NPAS3: variants seen among roughly 807,000 people sequenced by gnomAD.
The protein encoded by NPAS3 is neuronal PAS domain-containing protein 3.
In NPAS3, 14 loss-of-function variants were observed where a neutral mutation model predicts 73.1. The observed-to-expected ratio is 0.19, with a 90% CI of 0.13 to 0.30. NPAS3 has a LOEUF of 0.30. Among genes scored for constraint, NPAS3 ranks in the 10% least tolerant of loss-of-function variants. The pLI is 1.00. For synonymous variants in NPAS3, 620 were observed against 541.5 expected (o/e 1.14, Z -2.01); for missense variants, 1,096 against 1,250.0 (o/e 0.88, Z 1.86).
intron 5 of NPAS3, chr14:33,578,438 C>T: frequency 2.9e-6 from 1 of 345,870 alleles, no homozygotes; most frequent in Non-Finnish European, 5.6e-6. Context: ...AGGTGATCTG[C>T]CCGCCTCAGC....
chr14:33,295,748 C>T (rs548287131), intron 3 of NPAS3, among the ~76,000 whole-genome samples: 1 of 152,152 alleles, frequency 6.6e-6, no homozygotes, highest in Admixed American at 6.5e-5. Context: ...GGAGTTATAT[C>T]GGTTCAAACA....
intron 2 of NPAS3, among the ~76,000 whole-genome samples, chr14:33,155,107 C>T (rs2044600132): frequency 6.6e-6 from 1 of 152,176 alleles, no homozygotes; most frequent in Non-Finnish European, 1.5e-5. Flanking sequence ...GCCTGCAGGG[C>T]ATAGTTTGCT....
At position 33,717,462 on chromosome 14, in the gene NPAS3, C is replaced by T. The variant is rs1230276550; in HGVS notation, c.734-17752C>T. On this transcript the variant is annotated intron_variant, in intron 6 of 11. Coordinates refer to ENST00000356141, the Ensembl canonical transcript of NPAS3. ...TCAGGGAAGTTCTGGATAATGCAAG[C>T]AACAACCCCGTAAACACACAAACCT... Among the ~76,000 whole-genome samples, 9 of 152,064 alleles carry T rather than the reference C, an allele frequency of 5.9e-5. No homozygotes were observed. The East Asian group carries it at 1.5e-3, about 26-fold the overall frequency.
At chr14:33,315,701 A>G in intron 3 of NPAS3, among the ~76,000 whole-genome samples, 1 of 152,032 alleles carries the variant, frequency 6.6e-6, no homozygotes, top group African/African-American at 2.4e-5. Flanking sequence ...GAGAGAGTTC[A>G]TCTTCAGGGG....
At chr14:33,324,525 C>G (rs545464390) in intron 3 of NPAS3, among the ~76,000 whole-genome samples, 1 of 152,112 alleles carries the variant, frequency 6.6e-6, no homozygotes, top group African/African-American at 2.4e-5. Context: ...AACGCAGAAC[C>G]GTTTTGCAAG....
intron 4 of NPAS3, among the ~76,000 whole-genome samples, chr14:33,500,100 G>T (rs1293237147): frequency 2.0e-5 from 3 of 151,928 alleles, no homozygotes; most frequent in Non-Finnish European, 2.9e-5. Context: ...AAAAACGGAA[G>T]GGAGTTTGAG....
chr14:33,802,197 T>G (rs2138706744), downstream of NPAS3: 1 of 151,796 alleles, frequency 6.6e-6, no homozygotes, highest in East Asian at 1.9e-4. Flanking sequence ...ATGTTTTTGG[T>G]TTTTTTCATT....
intron 6 of NPAS3, among the ~76,000 whole-genome samples, chr14:33,733,171 C>T (rs548098893): frequency 2.6e-5 from 4 of 152,182 alleles, no homozygotes; most frequent in South Asian, 2.1e-4. Flanking sequence ...GATGGCTTCA[C>T]GTTAGTTCAA....
At chr14:33,329,312 C>T (rs1158016100) in intron 3 of NPAS3, among the ~76,000 whole-genome samples, 3 of 152,106 alleles carry the variant, frequency 2.0e-5, no homozygotes, top group Admixed American at 6.6e-5. Flanking sequence ...CAAGCAACTG[C>T]GCTACCAGCA....
chr14:33,453,882 G>T (rs930488016), intron 4 of NPAS3, among the ~76,000 whole-genome samples: 3 of 152,080 alleles, frequency 2.0e-5, no homozygotes, highest in African/African-American at 7.2e-5. Flanking sequence ...TAGAGATGGG[G>T]ATTCACCACG....
At chr14:33,291,295 G>T (rs746755663) in intron 3 of NPAS3, among the ~76,000 whole-genome samples, 1 of 152,180 alleles carries the variant, frequency 6.6e-6, no homozygotes, top group South Asian at 2.1e-4. Context: ...ATAGGTGGCC[G>T]TGCCTAACTT....
intron 1 of NPAS3, among the ~76,000 whole-genome samples, chr14:33,026,963 A>G (rs1254611750): frequency 6.6e-6 from 1 of 152,108 alleles, no homozygotes; most frequent in Non-Finnish European, 1.5e-5. Context: ...CTGTAGCTAA[A>G]TTCCAGGGAC....
intron 3 of NPAS3, among the ~76,000 whole-genome samples, chr14:33,317,460 A>G (rs1238559110): frequency 6.6e-6 from 1 of 152,046 alleles, no homozygotes; most frequent in Non-Finnish European, 1.5e-5. Flanking sequence ...CCCAAATGAT[A>G]TGGTTTGGCT....
intron 5 of NPAS3, among the ~76,000 whole-genome samples, chr14:33,587,095 T>C (rs755058730): frequency 2.3e-4 from 35 of 152,218 alleles, no homozygotes; most frequent in Non-Finnish European, 4.4e-4. Flanking sequence ...TCCCCATCTG[T>C]ATTTCCCCTA....
intron 4 of NPAS3, among the ~76,000 whole-genome samples, chr14:33,454,952 G>C (rs1186109235): frequency 1.3e-5 from 2 of 152,158 alleles, no homozygotes; most frequent in Non-Finnish European, 2.9e-5. Context: ...TGTTTACATG[G>C]AGCTGGAGCA....
chr14:33,732,519 T>G (rs80001154), intron 6 of NPAS3, among the ~76,000 whole-genome samples: 1,698 of 152,284 alleles, frequency 0.011, 22 homozygotes, highest in East Asian at 0.066. Context: ...TTTATTATAA[T>G]AAACGTGGCT....
At chr14:33,337,674 G>A (rs1566809643) in intron 3 of NPAS3, among the ~76,000 whole-genome samples, 2 of 151,944 alleles carry the variant, frequency 1.3e-5, no homozygotes, top group Non-Finnish European at 2.9e-5. Context: ...ATCAGTTTGA[G>A]CATATTTGCT....
At chr14:33,689,949 C>T (rs935848075) in intron 6 of NPAS3, among the ~76,000 whole-genome samples, 1 of 152,134 alleles carries the variant, frequency 6.6e-6, no homozygotes, top group African/African-American at 2.4e-5. Context: ...CAGCTTCTAG[C>T]CCGGCCTATT....
intron 3 of NPAS3, among the ~76,000 whole-genome samples, chr14:33,347,903 G>T (rs936315951): frequency 2.0e-5 from 3 of 151,918 alleles, no homozygotes; most frequent in South Asian, 2.1e-4. Context: ...TCAATCTGTG[G>T]TTGGTTGGAT....
Sources: gnomAD v4.1 joint callset for allele counts (sites outside exome capture counted in the v4.1 genomes callset) on GRCh38, gnomAD v4.1.1 for gene constraint, MANE v1.5 for transcripts, NCBI Gene and HGNC (gene_info 2026-07-23, HGNC 2026-07-21) for gene names.